The following THOC5 variants were observed in gnomAD, a reference collection of about 807,000 sequenced individuals.
The protein encoded by THOC5 is THO complex subunit 5.
A neutral mutation model predicts 92.9 loss-of-function variants in THOC5; 43 were observed. The observed-to-expected ratio is 0.46, with a 90% CI of 0.36 to 0.60. THOC5 has a LOEUF of 0.60. Among genes scored for constraint, THOC5 ranks in the 20% least tolerant of loss-of-function variants. The pLI, the probability that THOC5 is intolerant of heterozygous loss-of-function variation, is 0.00. For synonymous variants in THOC5, 296 were observed against 320.1 expected, an observed-to-expected ratio of 0.92 and a Z score of 0.80; for missense variants, 659 against 849.4, an observed-to-expected ratio of 0.78 and a Z score of 2.79.
Position 29,529,232 on chromosome 22 carries a change from C to T in THOC5, c.855G>A (p.Thr285=), listed in dbSNP as rs2302140. 33,485 of 1,614,080 alleles carry T rather than the reference C, an allele frequency of 0.021. 3,806 individuals are homozygous for T. In the East Asian group the frequency reaches 0.38, roughly 18 times the overall value. The change falls in exon 9 of 20, where the codon ACG becomes ACA. Residue 285 remains threonine (T), a synonymous_variant. Coordinates refer to ENST00000490103, the MANE Select transcript of THOC5 (RefSeq NM_003678.5). The part of the protein sequence containing the change: ...ATAYGQACDK[T]LSVAIEGSVD... ...CACTGCCTTCGATTGCCACAGATAA[C>T]GTCTTATCTGGGGGGCAAGAAGAAG...
chr22:29,539,442 C>G lies in THOC5; in HGVS notation c.487G>C (p.Glu163Gln), dbSNP rs764080620. ...GGTGGAGCCTCCTTATAAAACTCCT[C>G]TAAACTGACCAGATCAATTTCTTCA... The part of the protein sequence containing the change: ...KHEEIDLVSL[E>Q]EFYKEAPPDI... The change falls in exon 6 of 20, where the codon GAG becomes CAG. Residue 163 changes from glutamate to glutamine, a missense_variant. Physicochemically the swap from Glu to Gln is conservative, Grantham distance 29 (BLOSUM62 2). Transcript: ENST00000490103. 7 of 1,614,050 alleles carry G rather than the reference C, an allele frequency of 4.3e-6. No homozygotes were observed. Among genetic ancestry groups the G allele is most frequent in the Non-Finnish European group, 1.7e-6 (2 of 1,180,008 alleles).
intron 14 of THOC5, 67 bp downstream of exon 14, chr22:29,519,941 T>TAG: frequency 7.1e-7 from 1 of 1,400,060 alleles, no homozygotes; most frequent in South Asian, 1.2e-5. Flanking sequence ...GCCTGGCCTT[T>TAG]CTAGAGTCTA....
rs762267383 is a variant in THOC5, at chr22:29,528,192, G to A, written c.967-15C>T. 1 of 1,613,852 alleles carries A rather than the reference G, an allele frequency of 6.2e-7. No homozygotes were observed. The highest frequency in any genetic ancestry group is 8.5e-7 in the Non-Finnish European group (1 of 1,179,948). ...CTCCGGCGCTTCTGGACAAAGGAAA[G>A]TGCCAAGCTGATGAGCATCAGTCAT... On this transcript the variant is annotated splice_polypyrimidine_tract_variant and intron_variant, in intron 10 of 19. Transcript: ENST00000490103.
Position 29,528,492 on chromosome 22 carries a change from AGAG to A in THOC5, c.926-29_926-27del, listed in dbSNP as rs144075172. ...CTGCAGCCACAGAGAGAAGGCAGCTAGAGGTGAGGGGGCTCCAAATGCTCCCTA... is the reference window on the plus strand; with the variant it reads ...CTGCAGCCACAGAGAGAAGGCAGCTAGTGAGGGGGCTCCAAATGCTCCCTA... On this transcript the variant is annotated intron_variant, in intron 9 of 19. Transcript: ENST00000490103. 4,457 of 1,612,274 alleles carry A rather than the reference AGAG, an allele frequency of 2.8e-3. 111 individuals are homozygous for A. The African/African-American group carries it at 0.053, about 19-fold the overall frequency.
intron 19 of THOC5, 41 bp downstream of exon 19, chr22:29,511,065 A>G: frequency 2.5e-6 from 4 of 1,589,770 alleles, no homozygotes; most frequent in Non-Finnish European, 3.4e-6. Flanking sequence ...TCTGTCCCAC[A>G]TCACCATGAG....
rs371255642 is a variant in THOC5 at position 29,508,448 on chromosome 22, C to T, written c.*9G>A. On this transcript the variant is annotated 3_prime_UTR_variant, in exon 20 of 20. Coordinates refer to ENST00000490103, the MANE Select transcript of THOC5 (RefSeq NM_003678.5). ...AGGCCTTGGGGGAAACAACGGTCTG[C>T]GCGGGAGATCAGCGATGGCTGAAGA... 55 of 1,613,916 alleles carry T rather than the reference C, an allele frequency of 3.4e-5. No individual in the cohort carries two copies. The highest frequency in any genetic ancestry group is 8.8e-5 in the South Asian group (8 of 91,082).
At chr22:29,531,588 T>C (rs2063656346) in intron 8 of THOC5, 1 of 1,242,296 alleles carries the variant, frequency 8.0e-7, no homozygotes, top group African/African-American at 1.5e-5. Context: ...CCAAGAGCTG[T>C]CCAGCCAGGC....
At chr22:29,543,616 C>T (rs997677185) in intron 3 of THOC5, 74 bp from the exon 4 acceptor site, 25 of 1,164,408 alleles carry the variant, frequency 2.1e-5, no homozygotes, top group Non-Finnish European at 2.9e-5. Flanking sequence ...TCACCACTGA[C>T]CCATCCTCAT....
At chr22:29,545,121 T>TGGC (rs1291443258) in intron 2 of THOC5, 2 of 423,226 alleles carry the variant, frequency 4.7e-6, no homozygotes, top group Non-Finnish European at 9.4e-6. Context: ...ACTTCTTATG[T>TGGC]GGCGGCGGCA....
At chr22:29,531,339 C>G (rs2063651128) in intron 8 of THOC5, 1 of 985,276 alleles carries the variant, frequency 1.0e-6, no homozygotes, top group Admixed American at 6.2e-5. Flanking sequence ...TCTCAAAACC[C>G]TAGCAGAGTC....
rs1374793569 is a variant in THOC5 at position 29,528,429 on chromosome 22, A to G, written c.963T>C (p.Thr321=). 6.2e-7 allele frequency: 1 copy of G among 1,613,888 alleles called. No individual in the cohort carries two copies. Among genetic ancestry groups the G allele is most frequent in the Non-Finnish European group, 8.5e-7 (1 of 1,180,020 alleles). Residue 321 remains threonine (T), a synonymous_variant, in exon 10 of 20, where the codon ACT becomes ACC. Transcript: ENST00000490103. ...ESDSDAEEEQ[T]TKRRRPTLGV... ...CACAAGAGGAAATGGTTCTCACCGT[A>G]GTCTGCTCCTCCTCGGCATCTGAGT... is the stretch of plus-strand genomic sequence containing the variant.
chr22:29,543,338 ACT>A (rs1351227710), intron 4 of THOC5, 89 bp downstream of exon 4: 1 of 813,944 alleles, frequency 1.2e-6, no homozygotes, highest in African/African-American at 2.4e-5. Context: ...ACAGAACGAG[ACT>A]CTGTCTCAAA....
At chr22:29,520,130 T>G (rs925572079) in intron 13 of THOC5, 26 bp from the exon 14 acceptor site, 1 of 1,605,758 alleles carries the variant, frequency 6.2e-7, no homozygotes, top group South Asian at 1.1e-5. Flanking sequence ...TAAATAAAAT[T>G]GTGCTGTAAG....
At position 29,519,089 on chromosome 22, in the gene THOC5, G is replaced by A. The variant is rs1282557849; in HGVS notation, c.1406C>T (p.Ala469Val). 1 of 1,611,582 alleles carries A rather than the reference G, an allele frequency of 6.2e-7. No individual in the cohort carries two copies. The highest frequency in any genetic ancestry group is 1.7e-5 in the Admixed American group (1 of 59,694). The change falls in exon 15 of 20, where the codon GCC (alanine) becomes GTC (valine). Residue 469 changes from alanine to valine, a missense_variant. By Grantham distance (64) the Ala-to-Val change is moderately conservative. Transcript: ENST00000490103. ...TTTCATGGTGGTCTCCATGTGGCTG[G>A]CGCTCAGCGAGTGGTCAGCAATCAC... ...QTVIADHSLS[A>V]SHMETTMKLL... is the part of the protein sequence containing the mutation.
In THOC5 at chr22:29,536,726, C is replaced by T. The variant is rs146385230; in HGVS notation, c.612G>A (p.Lys204=). 4 of 1,605,264 alleles carry T rather than the reference C, an allele frequency of 2.5e-6. No individual in the cohort carries two copies. The highest frequency in any genetic ancestry group is 2.7e-5 in the African/African-American group (2 of 74,804). ...CCTTGTTAGATAGGCACTCTCGGTA[C>T]TTCTCTGCCAGCCTGTTGGGGGAGG... ...ELEQRKRLAE[K]YRECLSNKEK... is the part of the protein sequence containing the mutation. Residue 204 remains lysine, a synonymous_variant, in exon 7 of 20, where the codon AAG becomes AAA. Transcript: ENST00000490103.
At position 29,508,375 on chromosome 22, in the gene THOC5, A is replaced by T; in HGVS notation, c.*82T>A. The T allele has an allele frequency of 7.3e-7, 1 of 1,375,428 alleles. No homozygotes were observed. Among genetic ancestry groups the T allele is most frequent in the South Asian group, 1.2e-5 (1 of 83,770 alleles). 85.2% of individuals were successfully genotyped at this position (1,375,428 alleles called of 1,614,324 possible). A position where few individuals can be genotyped will look rare whatever the true frequency, so the allele number is the denominator to read the frequency against. On this transcript the variant is annotated 3_prime_UTR_variant, in exon 20 of 20. Transcript: ENST00000490103. Reference sequence around the variant, plus strand: ...GCTGGTGTCTTTGGAGAATATCAAGAGTCACATGTGGGCCAGAGCAGAAAG... The same window carrying T: ...GCTGGTGTCTTTGGAGAATATCAAGTGTCACATGTGGGCCAGAGCAGAAAG...
chr22:29,541,636 C>A (rs1054092611), intron 5 of THOC5, among the ~76,000 whole-genome samples: 2 of 149,660 alleles, frequency 1.3e-5, no homozygotes, highest in Admixed American at 6.6e-5. Flanking sequence ...CTGAGGCAGG[C>A]GGATCATAAG....
intron 15 of THOC5, among the ~76,000 whole-genome samples, chr22:29,517,942 CG>C (rs2063364882): frequency 6.6e-6 from 1 of 152,208 alleles, no homozygotes. Context: ...CTGGAGAGAT[CG>C]GCAGCCATGT....
At chr22:29,546,953 G>C (rs2064034755) in intron 2 of THOC5, among the ~76,000 whole-genome samples, 1 of 151,178 alleles carries the variant, frequency 6.6e-6, no homozygotes, top group Non-Finnish European at 1.5e-5. Context: ...CGATTCTCCT[G>C]CCTCAGCCTC....
Sources: allele counts gnomAD v4.1 joint callset (sites outside exome capture counted in the v4.1 genomes callset), GRCh38; gene constraint gnomAD v4.1.1; transcripts MANE v1.5; gene names NCBI Gene and HGNC (gene_info 2026-07-23, HGNC 2026-07-21).